TTC13: variants seen among roughly 807,000 people sequenced by gnomAD.
The protein encoded by TTC13 is tetratricopeptide repeat domain 13.
A neutral mutation model predicts 120.0 loss-of-function variants in TTC13; 62 were observed. That is an observed-to-expected ratio of 0.52 (90% CI 0.42 to 0.64). The LOEUF (loss-of-function observed/expected upper bound fraction) is 0.64. Ranked by LOEUF, TTC13 falls within the 30% of genes least tolerant of loss-of-function variation. TTC13 has a pLI of 0.00. For missense variants in TTC13, 824 were observed against 1,050.2 expected, an observed-to-expected ratio of 0.78 and a Z score of 2.98; for synonymous variants, 384 against 393.5, an observed-to-expected ratio of 0.98 and a Z score of 0.28.
chr1:230,975,173 G>C (rs150579573), intron 1 of TTC13, among the ~76,000 whole-genome samples: 90 of 151,380 alleles, frequency 5.9e-4, no homozygotes, highest in African/African-American at 2.0e-3. Flanking sequence ...CCAGGAGTTT[G>C]ACCAGCCTGG....
intron 12 of TTC13, among the ~76,000 whole-genome samples, chr1:230,927,091 T>A (rs1673116556): frequency 6.6e-6 from 1 of 152,218 alleles, no homozygotes; most frequent in Non-Finnish European, 1.5e-5. Context: ...TACTGCTGTA[T>A]AATATCCCAT....
At chr1:230,911,670 T>A in intron 19 of TTC13, 121 bp from the exon 20 acceptor site, 2 of 579,028 alleles carry the variant, frequency 3.5e-6, no homozygotes, top group Non-Finnish European at 2.9e-6. Context: ...TCCTCCCCCA[T>A]AAGAATCTAC....
At chr1:230,976,963 A>C (rs985858088) in intron 1 of TTC13, among the ~76,000 whole-genome samples, 1 of 152,240 alleles carries the variant, frequency 6.6e-6, no homozygotes, top group Non-Finnish European at 1.5e-5. Flanking sequence ...GGAGAAAGGG[A>C]AATTTACCCA....
intron 15 of TTC13, 59 bp downstream of exon 15, chr1:230,923,782 G>T: frequency 2.8e-6 from 4 of 1,430,942 alleles, no homozygotes; most frequent in Non-Finnish European, 3.9e-6. Context: ...GGTCTCCATG[G>T]CCTGTGTCTT....
intron 1 of TTC13, among the ~76,000 whole-genome samples, chr1:230,968,743 G>A (rs1677415159): frequency 6.6e-6 from 1 of 152,206 alleles, no homozygotes; most frequent in Admixed American, 6.5e-5. Context: ...TTTCCAGTTT[G>A]TGCAATGAGG....
intron 12 of TTC13, among the ~76,000 whole-genome samples, chr1:230,927,184 T>C (rs1167085192): frequency 1.3e-5 from 2 of 152,196 alleles, no homozygotes; most frequent in Non-Finnish European, 2.9e-5. Context: ...CAAATTCTGC[T>C]GGCAGACCTG....
rs745591443 is a variant in TTC13, at chr1:230,929,040, T to A, written c.1354A>T (p.Ile452Phe). 6.2e-7 allele frequency: 1 copy of A among 1,614,208 alleles called. No individual in the cohort carries two copies. The highest frequency in any genetic ancestry group is 1.1e-5 in the South Asian group (1 of 91,090). ...HLDTPLTEYN[I>F]DVDLPGSFKD... ...AAGCTTCCAGGCAGATCCACATCAA[T>A]GTTATATTCCGTAAGGGGGGTATCA... Residue 452 changes from isoleucine (I) to phenylalanine (F), a missense_variant, in exon 12 of 23, where the codon ATT (isoleucine) becomes TTT (phenylalanine). Ile to Phe is a conservative substitution (Grantham distance 21). Around this residue, in one of 4 missense-constraint regions of TTC13, gnomAD observed 430 missense variants for 626.8 expected, o/e 0.69. Coordinates refer to ENST00000366661, the MANE Select transcript of TTC13 (RefSeq NM_024525.5).
intron 8 of TTC13, among the ~76,000 whole-genome samples, chr1:230,937,719 T>C (rs1347436181): frequency 1.3e-5 from 2 of 152,246 alleles, no homozygotes; most frequent in Non-Finnish European, 2.9e-5. Context: ...TGTAAAACTT[T>C]AAATTTTCAC....
chr1:230,966,922 A>G (rs1224154346), intron 1 of TTC13, among the ~76,000 whole-genome samples: 3 of 152,110 alleles, frequency 2.0e-5, no homozygotes, highest in Non-Finnish European at 4.4e-5. Flanking sequence ...AGCCATGAAT[A>G]AGTGAATGGG....
intron 6 of TTC13, among the ~76,000 whole-genome samples, chr1:230,943,329 A>C (rs914499125): frequency 1.3e-5 from 2 of 152,044 alleles, no homozygotes; most frequent in African/African-American, 4.8e-5. Context: ...CTTGGAACCA[A>C]CCCAAATGTC....
intron 4 of TTC13, among the ~76,000 whole-genome samples, chr1:230,952,182 T>G (rs1675659076): frequency 6.6e-6 from 1 of 152,226 alleles, no homozygotes; most frequent in Admixed American, 6.5e-5. Context: ...TCCTTATCAG[T>G]CATATGATAC....
chr1:230,973,448 C>G (rs1370598825), intron 1 of TTC13, among the ~76,000 whole-genome samples: 2 of 152,158 alleles, frequency 1.3e-5, no homozygotes, highest in Admixed American at 6.5e-5. Flanking sequence ...ATTCTAAATG[C>G]CTTTTCCCAT....
At chr1:230,908,642 A>G in intron 22 of TTC13, 70 bp downstream of exon 22, 1 of 1,309,346 alleles carries the variant, frequency 7.6e-7, no homozygotes, top group Non-Finnish European at 1.1e-6. Flanking sequence ...ATAGCGCTCC[A>G]AAGTAACAGG....
Position 230,933,269 on chromosome 1 carries a change from G to A in TTC13, c.983+510C>T, listed in dbSNP as rs141151869. Among the ~76,000 whole-genome samples, 271 of 152,002 alleles carry A rather than the reference G, an allele frequency of 1.8e-3. 1 individual carries two copies. The highest frequency in any genetic ancestry group is 6.2e-3 in the African/African-American group (257 of 41,474). Reference sequence around the variant, plus strand: ...ATTACAGGGATGAGCCACCGCTCCCGGCTTACTTTTTTTTTTTTTAAGCCA... The same window carrying A: ...ATTACAGGGATGAGCCACCGCTCCCAGCTTACTTTTTTTTTTTTTAAGCCA... On this transcript the variant is annotated intron_variant, in intron 9 of 22. Transcript: ENST00000366661.
At chr1:230,936,034 G>A (rs1674019920) in intron 8 of TTC13, 3 of 371,466 alleles carry the variant, frequency 8.1e-6, no homozygotes, top group South Asian at 2.0e-5. Flanking sequence ...ACAGGAGAAA[G>A]GGCAGCTGCA....
At chr1:230,953,372 G>A (rs1675765143) in intron 4 of TTC13, among the ~76,000 whole-genome samples, 1 of 152,198 alleles carries the variant, frequency 6.6e-6, no homozygotes, top group Admixed American at 6.5e-5. Context: ...AATTAAGTCT[G>A]CCTGCTAGAC....
intron 6 of TTC13, among the ~76,000 whole-genome samples, chr1:230,943,599 T>C (rs1674716822): frequency 6.6e-6 from 1 of 152,236 alleles, no homozygotes; most frequent in Non-Finnish European, 1.5e-5. Context: ...TCATACTAAA[T>C]ATTACTCTTC....
intron 2 of TTC13, 137 bp from the exon 3 acceptor site, chr1:230,958,436 TG>T: frequency 1.0e-6 from 1 of 998,936 alleles, no homozygotes; most frequent in Non-Finnish European, 1.4e-6. Context: ...GCCACTATTG[TG>T]GGAATGTTTT....
In TTC13 at chr1:230,908,774, A is replaced by C. The variant is rs770712232; in HGVS notation, c.2406T>G (p.Ala802=). ...AGGCCTCTGAACCAGGGGCTGTCAT[A>C]GCTTCAAAGTCGACTAACTGAAAAA... is the stretch of plus-strand genomic sequence containing the variant. ...IPKGKLVDFE[A]MTAPGSEAFS... is the part of the protein sequence containing the mutation. Residue 802 remains alanine, a synonymous_variant, in exon 22 of 23, where the codon GCT becomes GCG. Transcript: ENST00000366661. 1.4e-5 allele frequency: 22 copies of C among 1,613,446 alleles called. 1 individual carries two copies. The East Asian group carries it at 1.6e-4, about 11-fold the overall frequency.
Sources: allele counts gnomAD v4.1 joint callset (sites outside exome capture counted in the v4.1 genomes callset), GRCh38; gene constraint gnomAD v4.1.1; regional missense constraint gnomAD v4.1.1; transcripts MANE v1.5; gene names NCBI Gene and HGNC (gene_info 2026-07-23, HGNC 2026-07-21).